Variants in ALAD observed in about 807,000 individuals in gnomAD.
ALAD encodes aminolevulinate dehydratase.
ALAD carries 20 observed loss-of-function variants against 44.4 expected under a neutral mutation model. That is an observed-to-expected ratio of 0.45 (90% CI 0.32 to 0.65). The LOEUF (loss-of-function observed/expected upper bound fraction) is 0.65, where lower values mean the gene tolerates loss of function less well. ALAD is among the 30% of genes least tolerant of loss of function. The probability of loss-of-function intolerance (pLI) is 0.05; values close to 1 mark genes in which losing one functional copy is unlikely to be tolerated. For missense variants in ALAD, 323 were observed against 445.7 expected (o/e 0.72, Z 2.48); for synonymous variants, 156 against 167.9 (o/e 0.93, Z 0.55).
At chr9:113,388,442 C>T (rs899416104) in intron 11 of ALAD, 81 bp from the exon 12 acceptor site, 22 of 1,360,052 alleles carry the variant, frequency 1.6e-5, no homozygotes, top group African/African-American at 2.9e-5. Context: ...GAAGGCCAGG[C>T]GGGGAAGAAG....
intron 1 of ALAD, among the ~76,000 whole-genome samples, chr9:113,394,871 G>GT (rs1827684646): frequency 6.6e-6 from 1 of 152,084 alleles, no homozygotes; most frequent in African/African-American, 2.4e-5. Flanking sequence ...GGCCAACACA[G>GT]TTAAACCCCA....
At chr9:113,399,613 T>G (rs1827809735) in intron 1 of ALAD, among the ~76,000 whole-genome samples, 1 of 152,102 alleles carries the variant, frequency 6.6e-6, no homozygotes, top group African/African-American at 2.4e-5. Flanking sequence ...GTGTTTCAGA[T>G]TTAATATGAA....
chr9:113,391,359 C>A (rs1245703072), intron 4 of ALAD, among the ~76,000 whole-genome samples, 168 bp downstream of exon 4: 3 of 152,176 alleles, frequency 2.0e-5, no homozygotes, highest in African/African-American at 7.2e-5. Flanking sequence ...CACATACCCC[C>A]ACACCCAGCT....
At chr9:113,391,329 C>T (rs199501308) in intron 4 of ALAD, among the ~76,000 whole-genome samples, 198 bp downstream of exon 4, 3 of 152,132 alleles carry the variant, frequency 2.0e-5, no homozygotes, top group Non-Finnish European at 4.4e-5. Context: ...CTCCACCTCC[C>T]GAGTAGCTGG....
Position 113,389,697 on chromosome 9 carries a change from G to T in ALAD, c.627-11C>A. 2 of 1,614,178 alleles carry T rather than the reference G, an allele frequency of 1.2e-6. No homozygotes were observed. The highest frequency in any genetic ancestry group is 1.7e-6 in the Non-Finnish European group (2 of 1,180,024). The stretch of plus-strand genomic sequence containing the variant: ...GACTTAGCTGCATCCCTGCAAAGCA[G>T]AGTCATCAGGGTGGGCTCCAGCTTT... On this transcript the variant is annotated splice_polypyrimidine_tract_variant and intron_variant, in intron 8 of 11. Coordinates refer to ENST00000409155, the MANE Select transcript of ALAD (RefSeq NM_000031.6).
At chr9:113,390,767 C>A (rs749897993) in intron 5 of ALAD, 31 bp downstream of exon 5, 2 of 1,599,588 alleles carry the variant, frequency 1.3e-6, no homozygotes, top group Non-Finnish European at 1.7e-6. Flanking sequence ...GTGTGGGTGG[C>A]AGCAGGGCTG....
At chr9:113,395,893 A>C (rs1320033826) in intron 1 of ALAD, among the ~76,000 whole-genome samples, 3 of 152,086 alleles carry the variant, frequency 2.0e-5, no homozygotes, top group Non-Finnish European at 2.9e-5. Context: ...CTCCGTCTCT[A>C]CTAAAAATAC....
chr9:113,390,497 G>T lies in ALAD; in HGVS notation c.482-4C>A, dbSNP rs1439416269. 6.2e-7 allele frequency: 1 copy of T among 1,613,902 alleles called. No individual in the cohort carries two copies. The highest frequency in any genetic ancestry group is 1.7e-5 in the Admixed American group (1 of 59,998). On this transcript the variant is annotated splice_polypyrimidine_tract_variant and splice_region_variant and intron_variant, in intron 6 of 11. Transcript: ENST00000409155. ...GACGGGGCTACCACCTGACATCCTG[G>T]GGGGCAGAGGGTGGCCTTCAGAACT...
chr9:113,390,687 G>A lies in ALAD; in HGVS notation c.398-11C>T. The A allele has an allele frequency of 1.2e-6, 2 of 1,612,938 alleles. No individual in the cohort carries two copies. Among genetic ancestry groups the A allele is most frequent in the Non-Finnish European group, 1.7e-6 (2 of 1,179,470 alleles). ...TTTCACTCAGGAGCCCTTCAGGACA[G>A]ATGACTGGGTTTTGGGGAGCACCTT... On this transcript the variant is annotated splice_polypyrimidine_tract_variant and intron_variant, in intron 5 of 11. Transcript: ENST00000409155.
chr9:113,393,396 C>CCCCCAA (rs2118998466), intron 2 of ALAD, 51 bp downstream of exon 2: 5 of 1,465,610 alleles, frequency 3.4e-6, no homozygotes, highest in Non-Finnish European at 4.8e-6. Context: ...CCCTCCCCAA[C>CCCCCAA]CCCAACCCCA....
Position 113,387,375 on chromosome 9 carries a change from CTGGTGCA to C in ALAD, c.*918_*924del, listed in dbSNP as rs1827424716. On this transcript the variant is annotated 3_prime_UTR_variant, in exon 12 of 12. Coordinates refer to ENST00000409155, the MANE Select transcript of ALAD (RefSeq NM_000031.6). ...CTTCAGAGCACCTGTCACCACATCA[CTGGTGCA>C]TGTCTGCCTCCTTCCCAACTACTGT... The C allele has an allele frequency of 6.6e-6, 1 of 152,400 alleles. No homozygotes were observed. The highest frequency in any genetic ancestry group is 6.5e-5 in the Admixed American group (1 of 15,306). The allele number at this position is 152,400 out of a possible 1,614,324, so 9.4% of individuals were successfully genotyped here.
Position 113,392,032 on chromosome 9 carries a change from C to T in ALAD, c.164+87G>A, listed in dbSNP as rs1045339222. ...GTCTGTCTGTCCGCATCTTCTACTT[C>T]CTAGGTCTGCTTCTGCCTCCCAGCA... On this transcript the variant is annotated intron_variant, in intron 3 of 11. Coordinates refer to ENST00000409155, the MANE Select transcript of ALAD (RefSeq NM_000031.6). 6.9e-6 allele frequency: 9 copies of T among 1,297,152 alleles called. No homozygotes were observed. The African/African-American group carries it at 8.8e-5, about 13-fold the overall frequency. 80.4% of individuals were successfully genotyped at this position (1,297,152 alleles called of 1,614,324 possible).
chr9:113,389,089 G>A lies in ALAD; in HGVS notation c.819C>T (p.Leu273=), dbSNP rs751107367. ...ACTCTCCAGAGACGTGGTACACGGC[G>A]AGAGGGAGGTCAGGGTGCTGCAGGG... ...EVKDKHPDLP[L]AVYHVSGEFA... is the part of the protein sequence containing the mutation. Residue 273 remains leucine, a synonymous_variant, in exon 11 of 12, where the codon CTC becomes CTT. Coordinates refer to ENST00000409155, the MANE Select transcript of ALAD (RefSeq NM_000031.6). 7.4e-6 allele frequency: 12 copies of A among 1,613,906 alleles called. No individual in the cohort carries two copies. The highest frequency in any genetic ancestry group is 2.7e-5 in the African/African-American group (2 of 74,946).
chr9:113,394,678 T>C (rs1306126074), intron 1 of ALAD, among the ~76,000 whole-genome samples: 1 of 152,158 alleles, frequency 6.6e-6, no homozygotes, highest in African/African-American at 2.4e-5. Flanking sequence ...CCACAAAAAA[T>C]GCCCGTGTTC....
At chr9:113,391,692 C>T in intron 3 of ALAD, 69 bp from the exon 4 acceptor site, 3 of 1,279,050 alleles carry the variant, frequency 2.3e-6, no homozygotes, top group Non-Finnish European at 3.4e-6. Context: ...GACCCCACCA[C>T]ACTGTGTGCC....
At chr9:113,388,516 T>A (rs539428148) in intron 11 of ALAD, among the ~76,000 whole-genome samples, 155 bp from the exon 12 acceptor site, 1 of 152,308 alleles carries the variant, frequency 6.6e-6, no homozygotes, top group East Asian at 1.9e-4. Flanking sequence ...TTTGGGAAAC[T>A]CTATTTCTTG....
In ALAD at chr9:113,389,043, C is replaced by T; in HGVS notation, c.865G>A (p.Ala289Thr). Reference sequence around the variant, plus strand: ...TTGAGATCAAATGCCCCGGCCTGGGCTCCATGCCACAGCATGGCAAACTCT... The same window carrying T: ...TTGAGATCAAATGCCCCGGCCTGGGTTCCATGCCACAGCATGGCAAACTCT... ...SGEFAMLWHG[A>T]QAGAFDLKAA... Residue 289 changes from alanine (A) to threonine (T), a missense_variant, in exon 11 of 12, where the codon GCC becomes ACC. Transcript: ENST00000409155. 1.2e-6 allele frequency: 2 copies of T among 1,613,946 alleles called. No homozygotes were observed. The highest frequency in any genetic ancestry group is 2.2e-5 in the South Asian group (2 of 91,088).
chr9:113,390,345 G>A (rs1225357547), intron 7 of ALAD, 60 bp downstream of exon 7: 34 of 1,544,864 alleles, frequency 2.2e-5, no homozygotes, highest in Admixed American at 2.2e-4. Flanking sequence ...TAGCAGACAC[G>A]GGGGCAGGGC....
chr9:113,389,007 G>C lies in ALAD; in HGVS notation c.901C>G (p.Leu301Val). 6 of 1,613,896 alleles carry C rather than the reference G, an allele frequency of 3.7e-6. No individual in the cohort carries two copies. The highest frequency in any genetic ancestry group is 5.1e-6 in the Non-Finnish European group (6 of 1,180,030). ...CTGCGGAAGGCAGTCATGGCCTCCA[G>C]TACGGCAGCCTTGAGATCAAATGCC... Reference protein sequence around the residue: ...AGAFDLKAAVLEAMTAFRRAG... With the variant: ...AGAFDLKAAVVEAMTAFRRAG... Residue 301 changes from leucine to valine, a missense_variant, in exon 11 of 12, where the codon CTG becomes GTG. Physicochemically the swap from Leu to Val is conservative, Grantham distance 32 (BLOSUM62 1). Coordinates refer to ENST00000409155, the MANE Select transcript of ALAD (RefSeq NM_000031.6).
Sources: allele counts gnomAD v4.1 joint callset (sites outside exome capture counted in the v4.1 genomes callset), GRCh38; gene constraint gnomAD v4.1.1; transcripts MANE v1.5; gene names NCBI Gene and HGNC (gene_info 2026-07-23, HGNC 2026-07-21).